The following NHEJ1 variants were observed in gnomAD, a reference collection of about 807,000 sequenced individuals.
NHEJ1 encodes non-homologous end-joining factor 1.
NHEJ1 carries 22 observed loss-of-function variants against 39.4 expected under a neutral mutation model. That is an observed-to-expected ratio of 0.56 (90% CI 0.40 to 0.80). The LOEUF (loss-of-function observed/expected upper bound fraction) is 0.80, where lower values mean the gene tolerates loss of function less well. NHEJ1 is among the 30% of genes least tolerant of loss of function. The pLI, the probability that NHEJ1 is intolerant of heterozygous loss-of-function variation, is 0.00. For synonymous variants in NHEJ1, 154 were observed against 135.6 expected, an observed-to-expected ratio of 1.14 and a Z score of -0.94; for missense variants, 329 against 357.1, an observed-to-expected ratio of 0.92 and a Z score of 0.63.
chr2:219,144,593 T>C (rs193008100), intron 5 of NHEJ1, among the ~76,000 whole-genome samples: 1 of 152,016 alleles, frequency 6.6e-6, no homozygotes, highest in East Asian at 1.9e-4. Context: ...ATGGGAAGAA[T>C]GTGTATCTAA....
Position 219,111,599 on chromosome 2 carries a change from A to T in NHEJ1, c.589-33393T>A, listed in dbSNP as rs1355670325. Among the ~76,000 whole-genome samples, 5 of 150,528 alleles carry T rather than the reference A, an allele frequency of 3.3e-5. No individual in the cohort carries two copies. Among genetic ancestry groups the T allele is most frequent in the African/African-American group, 1.2e-4 (5 of 40,728 alleles). The stretch of plus-strand genomic sequence containing the variant: ...AGCCAGTGGGCTGCAGGTTCTGAAG[A>T]CCAGAATTAAGTCTACAGTGTGAAT... On this transcript the variant is annotated intron_variant, in intron 5 of 7. Transcript: ENST00000356853. The surrounding 1 kb of genome is among the most constrained non-coding windows in gnomAD (Gnocchi z 4.1).
At chr2:219,101,984 A>G (rs1367573332) in intron 5 of NHEJ1, among the ~76,000 whole-genome samples, 3 of 152,074 alleles carry the variant, frequency 2.0e-5, no homozygotes, top group Non-Finnish European at 2.9e-5. Context: ...TCGGCTTCCC[A>G]AAGTGCTGGA....
intron 5 of NHEJ1, among the ~76,000 whole-genome samples, chr2:219,128,136 T>C (rs980887289): frequency 7.9e-5 from 12 of 152,188 alleles, no homozygotes; most frequent in African/African-American, 2.9e-4. Flanking sequence ...AGCAAACTGG[T>C]GAGTGCTGGT....
intron 5 of NHEJ1, among the ~76,000 whole-genome samples, chr2:219,142,039 G>C (rs1466121817): frequency 2.0e-5 from 3 of 152,174 alleles, no homozygotes; most frequent in African/African-American, 7.2e-5. Flanking sequence ...AACCAGACAG[G>C]AGCTGAAGAC....
intron 5 of NHEJ1, among the ~76,000 whole-genome samples, chr2:219,135,558 G>A (rs201420327): frequency 6.6e-6 from 1 of 152,162 alleles, no homozygotes. Flanking sequence ...GCAGTGAGCC[G>A]AGATCACCCC....
At chr2:219,092,777 C>A (rs753188007) in intron 5 of NHEJ1, among the ~76,000 whole-genome samples, 1 of 152,078 alleles carries the variant, frequency 6.6e-6, no homozygotes, top group African/African-American at 2.4e-5. Context: ...GTAAGGGGAG[C>A]CAAAGCCACA....
chr2:219,111,656 CACACACAG>C lies in NHEJ1; in HGVS notation c.589-33458_589-33451del, dbSNP rs879108062. Reference sequence around the variant, plus strand: ...ACACACACACACACACACACACACACACACACAGAGAGATACATACAGTCAGTGGGAAA... The same window carrying C: ...ACACACACACACACACACACACACACAGAGATACATACAGTCAGTGGGAAA... On this transcript the variant is annotated intron_variant, in intron 5 of 7. Transcript: ENST00000356853. The surrounding 1 kb of genome is among the most constrained non-coding windows in gnomAD (Gnocchi z 4.1). Among the ~76,000 whole-genome samples the C allele has an allele frequency of 3.3e-3, 502 of 151,606 alleles. 2 individuals are homozygous for C. The highest frequency in any genetic ancestry group is 5.5e-3 in the Non-Finnish European group (375 of 67,850).
At chr2:219,115,759 A>T (rs6436109) in intron 5 of NHEJ1, among the ~76,000 whole-genome samples, 110,011 of 152,068 alleles carry the variant, frequency 0.72, 40,302 homozygotes, top group Non-Finnish European at 0.77. Flanking sequence ...TCCGCATTTT[A>T]CCCAGCTCCC....
intron 5 of NHEJ1, among the ~76,000 whole-genome samples, chr2:219,101,287 G>T (rs535546354): frequency 1.3e-5 from 2 of 152,114 alleles, no homozygotes; most frequent in East Asian, 1.9e-4. Context: ...GCTAATTTTT[G>T]TATTTTTAGT....
chr2:219,114,934 A>G (rs1440779094), intron 5 of NHEJ1, among the ~76,000 whole-genome samples: 1 of 152,184 alleles, frequency 6.6e-6, no homozygotes, highest in Non-Finnish European at 1.5e-5. Context: ...TATTCAAGCC[A>G]AGGGAAAACG....
At chr2:219,123,826 G>C (rs375526186) in intron 5 of NHEJ1, among the ~76,000 whole-genome samples, 1 of 152,210 alleles carries the variant, frequency 6.6e-6, no homozygotes. Context: ...AGCTGAGGTG[G>C]TGAGAGGCCA....
intron 5 of NHEJ1, among the ~76,000 whole-genome samples, chr2:219,134,767 C>T (rs1311955211): frequency 2.6e-5 from 4 of 152,024 alleles, no homozygotes; most frequent in South Asian, 4.1e-4. Context: ...TGGCCAGGCG[C>T]GGTGGCTCAC....
intron 6 of NHEJ1, 67 bp downstream of exon 6, chr2:219,078,022 A>G: frequency 9.5e-7 from 1 of 1,051,098 alleles, no homozygotes; most frequent in Non-Finnish European, 1.5e-6. Context: ...AAACTATCAT[A>G]TTGGACAGCA....
At chr2:219,090,282 C>A (rs1206754921) in intron 5 of NHEJ1, among the ~76,000 whole-genome samples, 3 of 152,136 alleles carry the variant, frequency 2.0e-5, no homozygotes, top group Admixed American at 1.3e-4. Flanking sequence ...AATCCCTGAT[C>A]CACTACTTCA....
At chr2:219,103,516 T>TC (rs1325488274) in intron 5 of NHEJ1, among the ~76,000 whole-genome samples, 1 of 152,188 alleles carries the variant, frequency 6.6e-6, no homozygotes, top group Admixed American at 6.5e-5. Flanking sequence ...CCTCAAGTGA[T>TC]CCGTCCGCCT....
At chr2:219,114,205 G>T (rs1360871900) in intron 5 of NHEJ1, among the ~76,000 whole-genome samples, 1 of 152,216 alleles carries the variant, frequency 6.6e-6, no homozygotes, top group African/African-American at 2.4e-5. Context: ...GGGGTCTCCT[G>T]ACTCTCCACC....
At chr2:219,091,323 G>A (rs1242755498) in intron 5 of NHEJ1, among the ~76,000 whole-genome samples, 1 of 152,084 alleles carries the variant, frequency 6.6e-6, no homozygotes, top group African/African-American at 2.4e-5. Context: ...TTAAGCTAGG[G>A]TAAACAGCAT....
rs1948976688 is a variant in NHEJ1, at chr2:219,073,046, G to T, written c.*3335C>A. Among the ~76,000 whole-genome samples the T allele has an allele frequency of 6.6e-6, 1 of 152,174 alleles. No individual in the cohort carries two copies. Among genetic ancestry groups the T allele is most frequent in the Non-Finnish European group, 1.5e-5 (1 of 68,030 alleles). ...GTGAAAAGGAAGGAAAGAAAAGGGA[G>T]TCCAAATGTACCGCTGGATAAAAAC... is the stretch of plus-strand genomic sequence containing the variant. On this transcript the variant is annotated 3_prime_UTR_variant, in exon 8 of 8. Coordinates refer to ENST00000356853, the MANE Select transcript of NHEJ1 (RefSeq NM_024782.3).
In NHEJ1 at chr2:219,137,584, AAAAAAAAAC is replaced by A. The variant is rs1344908717; in HGVS notation, c.588+9087_588+9095del. Reference sequence around the variant, plus strand: ...TGTGTTACAGGCAAAAAAAAAAAAAAAAAAAAAACAAAAAAAACTGAAAACCACCTTCAG... The same window carrying A: ...TGTGTTACAGGCAAAAAAAAAAAAAAAAAAAAAACTGAAAACCACCTTCAG... On this transcript the variant is annotated intron_variant, in intron 5 of 7. Coordinates refer to ENST00000356853, the MANE Select transcript of NHEJ1 (RefSeq NM_024782.3). Among the ~76,000 whole-genome samples, 231 of 140,136 alleles carry A rather than the reference AAAAAAAAAC, an allele frequency of 1.6e-3. 3 individuals carry two copies. Among genetic ancestry groups the A allele is most frequent in the African/African-American group, 5.1e-3 (202 of 39,526 alleles). 91.9% of individuals were successfully genotyped at this position (140,136 alleles called of 152,430 possible).
Sources: gnomAD v4.1 joint callset for allele counts (sites outside exome capture counted in the v4.1 genomes callset) on GRCh38, gnomAD v4.1.1 for gene constraint, Gnocchi (gnomAD v3.1) non-coding constraint, MANE v1.5 for transcripts, NCBI Gene and HGNC (gene_info 2026-07-23, HGNC 2026-07-21) for gene names.